Variants in DACH1 observed in about 807,000 individuals in gnomAD.
DACH1 encodes dachshund family transcription factor 1.
In DACH1, 12 loss-of-function variants were observed where a neutral mutation model predicts 54.2. The observed-to-expected ratio is 0.22, with a 90% CI of 0.14 to 0.36. DACH1 has a LOEUF of 0.36. DACH1 is among the 10% of genes least tolerant of loss of function. The pLI, the probability that DACH1 is intolerant of heterozygous loss-of-function variation, is 1.00. For synonymous variants in DACH1, 386 were observed against 366.2 expected (o/e 1.05, Z -0.62); for missense variants, 805 against 929.8 (o/e 0.87, Z 1.75).
chr13:71,646,355 A>T (rs1258998189), intron 2 of DACH1, among the ~76,000 whole-genome samples: 1 of 152,104 alleles, frequency 6.6e-6, no homozygotes, highest in African/African-American at 2.4e-5. Context: ...AAAAAGAAAA[A>T]AAAAACAACC....
At chr13:71,681,743 C>T (rs1328109486) in intron 2 of DACH1, 52 bp downstream of exon 2, 55 of 1,335,762 alleles carry the variant, frequency 4.1e-5, no homozygotes, top group South Asian at 2.5e-4. Flanking sequence ...ATAAAAGCTA[C>T]GACATTGGCT....
intron 3 of DACH1, among the ~76,000 whole-genome samples, chr13:71,578,427 G>A (rs1294825313): frequency 6.6e-6 from 1 of 152,128 alleles, no homozygotes; most frequent in African/African-American, 2.4e-5. Context: ...TCAGAGGTAG[G>A]TGAGAGAATA....
chr13:71,561,961 TAA>T (rs770439380), intron 4 of DACH1, among the ~76,000 whole-genome samples: 2 of 143,312 alleles, frequency 1.4e-5, no homozygotes, highest in Non-Finnish European at 3.1e-5. Flanking sequence ...TCCATGGAAT[TAA>T]AAAAAAAAAG....
At chr13:71,671,584 C>T (rs1880209538) in intron 2 of DACH1, among the ~76,000 whole-genome samples, 1 of 152,032 alleles carries the variant, frequency 6.6e-6, no homozygotes, top group African/African-American at 2.4e-5. Flanking sequence ...CAACCTACCT[C>T]CCTCTCAATG....
At chr13:71,697,880 C>A (rs898857206) in intron 1 of DACH1, among the ~76,000 whole-genome samples, 1 of 151,434 alleles carries the variant, frequency 6.6e-6, no homozygotes, top group African/African-American at 2.4e-5. Flanking sequence ...AAATAGAGCC[C>A]GATTTTATGC....
At position 71,784,489 on chromosome 13, in the gene DACH1, T is replaced by C. The variant is rs575929983; in HGVS notation, c.848+81433A>G. Among the ~76,000 whole-genome samples the C allele has an allele frequency of 8.5e-5, 13 of 152,300 alleles. No individual in the cohort carries two copies. The South Asian group carries it at 2.1e-3, about 24-fold the overall frequency. On this transcript the variant is annotated intron_variant, in intron 1 of 10. Transcript: ENST00000613252. Reference sequence around the variant, plus strand: ...CACAAAAATGGCCTATTTTCCTTTCTGTTCATGTGATTCACACCCACTCAC... The same window carrying C: ...CACAAAAATGGCCTATTTTCCTTTCCGTTCATGTGATTCACACCCACTCAC...
intron 2 of DACH1, among the ~76,000 whole-genome samples, chr13:71,632,723 G>A (rs1384583786): frequency 3.3e-5 from 5 of 151,932 alleles, no homozygotes; most frequent in South Asian, 4.2e-4. Context: ...TCACCCCAAC[G>A]CAACAAGACC....
chr13:71,752,677 G>T (rs1375357865), intron 1 of DACH1, among the ~76,000 whole-genome samples: 1 of 152,034 alleles, frequency 6.6e-6, no homozygotes, highest in African/African-American at 2.4e-5. Context: ...AAGAAAACAT[G>T]ACATTCTACT....
chr13:71,504,619 A>T lies in DACH1; in HGVS notation c.1571-15471T>A, dbSNP rs535838558. 2.6e-5 allele frequency among the ~76,000 whole-genome samples: 4 copies of T among 152,292 alleles called. No individual in the cohort carries two copies. The South Asian group carries it at 8.3e-4, about 32-fold the overall frequency. ...ATTTGAGTGAAGTCTTGCAGACCTG[A>T]TCATCAAGTTGTAGCTCAGAATGTT... is the stretch of plus-strand genomic sequence containing the variant. On this transcript the variant is annotated intron_variant, in intron 6 of 10. Transcript: ENST00000613252.
At chr13:71,449,691 G>T (rs115135107) in intron 10 of DACH1, among the ~76,000 whole-genome samples, 2 of 151,980 alleles carry the variant, frequency 1.3e-5, no homozygotes, top group African/African-American at 4.8e-5. Context: ...TAAAGTAAAC[G>T]AATTTATTGC....
At chr13:71,741,617 A>C (rs1001453896) in intron 1 of DACH1, among the ~76,000 whole-genome samples, 9 of 152,176 alleles carry the variant, frequency 5.9e-5, no homozygotes, top group African/African-American at 1.9e-4. Context: ...AAGAGAGATT[A>C]TTTTTTATGC....
At chr13:71,805,015 A>T (rs1445405996) in intron 1 of DACH1, among the ~76,000 whole-genome samples, 1 of 152,172 alleles carries the variant, frequency 6.6e-6, no homozygotes, top group Non-Finnish European at 1.5e-5. Context: ...GTGTCTATTT[A>T]AATTAAAATT....
chr13:71,850,967 A>C (rs9572812), intron 1 of DACH1, among the ~76,000 whole-genome samples: 15,779 of 152,278 alleles, frequency 0.1, 1,630 homozygotes, highest in East Asian at 0.56. Context: ...TAGCTATTGT[A>C]CTAGTTCAAA....
chr13:71,496,577 G>A (rs1009899667), intron 6 of DACH1, among the ~76,000 whole-genome samples: 15 of 151,730 alleles, frequency 9.9e-5, no homozygotes, highest in African/African-American at 7.3e-5. Flanking sequence ...GGGAATGGGG[G>A]AGGTTCATGA....
chr13:71,637,821 C>A (rs1566397265), intron 2 of DACH1, among the ~76,000 whole-genome samples: 1 of 152,046 alleles, frequency 6.6e-6, no homozygotes, highest in African/African-American at 2.4e-5. Flanking sequence ...AGTACCCTTA[C>A]TTATAAATAG....
intron 8 of DACH1, among the ~76,000 whole-genome samples, 192 bp from the exon 9 acceptor site, chr13:71,476,041 A>C (rs563435443): frequency 1.3e-5 from 2 of 152,228 alleles, no homozygotes; most frequent in South Asian, 2.1e-4. Flanking sequence ...AAGAAAGCCA[A>C]TTTTTATTTT....
intron 6 of DACH1, among the ~76,000 whole-genome samples, chr13:71,522,816 C>A (rs1881699533): frequency 6.6e-6 from 1 of 152,062 alleles, no homozygotes; most frequent in African/African-American, 2.4e-5. Flanking sequence ...AAACTGTATA[C>A]TATTTCGCTT....
chr13:71,463,919 C>G (rs1326602139), intron 10 of DACH1, among the ~76,000 whole-genome samples: 1 of 151,830 alleles, frequency 6.6e-6, no homozygotes, highest in African/African-American at 2.4e-5. Context: ...AGGCACGGCT[C>G]TTGGTTTTCA....
chr13:71,704,351 G>A, intron 1 of DACH1: 1 of 428,066 alleles, frequency 2.3e-6, no homozygotes. Flanking sequence ...GTGTTACCAT[G>A]GCAAAACTGG....
Sources: allele counts gnomAD v4.1 joint callset (sites outside exome capture counted in the v4.1 genomes callset), GRCh38; gene constraint gnomAD v4.1.1; transcripts MANE v1.5; gene names NCBI Gene and HGNC (gene_info 2026-07-23, HGNC 2026-07-21).